Variants in ARSB observed in about 807,000 individuals in gnomAD.
ARSB encodes N-acetylgalactosamine-4-sulfatase.
ARSB carries 41 observed loss-of-function variants against 50.9 expected under a neutral mutation model. The ratio of observed to expected loss-of-function variants is 0.81; its 90% CI spans 0.63 to 1.04. The LOEUF (loss-of-function observed/expected upper bound fraction) is 1.04, where lower values mean the gene tolerates loss of function less well. ARSB is among the 50% of genes least tolerant of loss of function. ARSB has a pLI of 0.00. For missense variants in ARSB, 672 were observed against 693.3 expected (o/e 0.97, Z 0.35); for synonymous variants, 269 against 284.8 (o/e 0.94, Z 0.56).
At position 78,941,626 on chromosome 5, in the gene ARSB, T is replaced by A. The variant is rs1750928705; in HGVS notation, c.898+13669A>T. On this transcript the variant is annotated intron_variant, in intron 4 of 7. Transcript: ENST00000264914. ...TTGAACCAGCCTTGCATCCCAGGGA[T>A]GAAGCCCACTTGATCATGGTGGATA... is the stretch of plus-strand genomic sequence containing the variant. Among the ~76,000 whole-genome samples the A allele has an allele frequency of 2.0e-5, 3 of 152,354 alleles. 1 individual carries two copies. In the South Asian group the frequency reaches 6.2e-4, roughly 32 times the overall value.
At chr5:78,883,827 TTG>T (rs1355178643) in intron 5 of ARSB, 3 of 152,218 alleles carry the variant, frequency 2.0e-5, no homozygotes, top group Admixed American at 6.5e-5. Flanking sequence ...ATGTTTAAAC[TTG>T]AATAGCTATC....
rs569801576 is a variant in ARSB at position 78,841,156 on chromosome 5, C to A, written c.1143-1730G>T. Among the ~76,000 whole-genome samples, 150 of 102,906 alleles carry A rather than the reference C, an allele frequency of 1.5e-3. 1 individual carries two copies. Among genetic ancestry groups the A allele is most frequent in the African/African-American group, 4.9e-3 (139 of 28,332 alleles). The allele number at this position is 102,906 out of a possible 152,430, so 67.5% of individuals were successfully genotyped here. ...TGTACTACTACTACTACTACTACTA[C>A]TACTACTACTACTAATAATAATAAT... On this transcript the variant is annotated intron_variant, in intron 5 of 7. Coordinates refer to ENST00000264914, the MANE Select transcript of ARSB (RefSeq NM_000046.5).
At chr5:78,804,512 A>C (rs1268257843) in intron 6 of ARSB, among the ~76,000 whole-genome samples, 2 of 152,240 alleles carry the variant, frequency 1.3e-5, no homozygotes. Flanking sequence ...TAACTTATCA[A>C]GCAGGGTGAA....
intron 4 of ARSB, among the ~76,000 whole-genome samples, chr5:78,906,031 C>A (rs1291318370): frequency 6.6e-6 from 1 of 151,422 alleles, no homozygotes; most frequent in Non-Finnish European, 1.5e-5. Flanking sequence ...AACACCAATG[C>A]AGATCTTCAA....
chr5:78,870,989 A>G (rs1012354971), intron 5 of ARSB, among the ~76,000 whole-genome samples: 2 of 151,722 alleles, frequency 1.3e-5, no homozygotes, highest in Non-Finnish European at 2.9e-5. Context: ...AAATCAATAT[A>G]CAAAAATCAC....
At chr5:78,852,922 A>T (rs1745906515) in intron 5 of ARSB, among the ~76,000 whole-genome samples, 1 of 152,284 alleles carries the variant, frequency 6.6e-6, no homozygotes, top group South Asian at 2.1e-4. Flanking sequence ...TCCTTTAAGC[A>T]CTTCTCTGTA....
intron 4 of ARSB, among the ~76,000 whole-genome samples, chr5:78,933,603 T>C (rs1309432044): frequency 6.6e-6 from 1 of 152,172 alleles, no homozygotes; most frequent in Non-Finnish European, 1.5e-5. Context: ...ACACAAGTAT[T>C]AGGACGAGCA....
chr5:78,947,820 T>C (rs922327451), intron 4 of ARSB, among the ~76,000 whole-genome samples: 1 of 152,126 alleles, frequency 6.6e-6, no homozygotes, highest in Non-Finnish European at 1.5e-5. Context: ...ATATCAAACA[T>C]ACACTTGCAC....
chr5:78,978,714 T>A (rs1752773749), intron 1 of ARSB, among the ~76,000 whole-genome samples: 1 of 152,174 alleles, frequency 6.6e-6, no homozygotes. Flanking sequence ...GTCAATTGAG[T>A]CTTGACAAGG....
At chr5:78,869,227 C>T (rs1296533717) in intron 5 of ARSB, among the ~76,000 whole-genome samples, 8 of 100,622 alleles carry the variant, frequency 8.0e-5, no homozygotes, top group African/African-American at 3.2e-4. Context: ...GACTTCAATA[C>T]CCCACTGTCA....
intron 5 of ARSB, chr5:78,883,804 A>T (rs1027616491): frequency 6.6e-6 from 1 of 152,190 alleles, no homozygotes; most frequent in Non-Finnish European, 1.5e-5. Context: ...AACTCACAGG[A>T]CTTTAAACTT....
At chr5:78,809,030 T>A (rs965775631) in intron 6 of ARSB, among the ~76,000 whole-genome samples, 3 of 152,192 alleles carry the variant, frequency 2.0e-5, no homozygotes, top group Admixed American at 6.5e-5. Context: ...CAGACATGTA[T>A]AAATGACAAA....
chr5:78,800,951 G>A (rs887734344), intron 6 of ARSB, among the ~76,000 whole-genome samples: 3 of 152,160 alleles, frequency 2.0e-5, no homozygotes, highest in Non-Finnish European at 4.4e-5. Flanking sequence ...GAGTGTGGAA[G>A]AGTACAAGGT....
At chr5:78,860,665 T>C (rs1746390488) in intron 5 of ARSB, among the ~76,000 whole-genome samples, 1 of 152,100 alleles carries the variant, frequency 6.6e-6, no homozygotes, top group African/African-American at 2.4e-5. Context: ...GCAGGAAAGA[T>C]CTAAAACTTG....
intron 6 of ARSB, among the ~76,000 whole-genome samples, chr5:78,821,261 G>C (rs1369965016): frequency 6.6e-6 from 1 of 152,116 alleles, no homozygotes; most frequent in African/African-American, 2.4e-5. Context: ...TCAGCCTCCT[G>C]AGTAGCTGGG....
intron 5 of ARSB, among the ~76,000 whole-genome samples, chr5:78,851,926 C>T (rs1219351082): frequency 6.6e-6 from 1 of 152,142 alleles, no homozygotes; most frequent in Admixed American, 6.5e-5. Context: ...GATCTTCCTC[C>T]ATCCTTTTAT....
chr5:78,936,405 C>G (rs188552880), intron 4 of ARSB, among the ~76,000 whole-genome samples: 2 of 150,146 alleles, frequency 1.3e-5, no homozygotes, highest in Admixed American at 1.3e-4. Context: ...ATTACAGGTG[C>G]GAGCCACTGT....
intron 4 of ARSB, among the ~76,000 whole-genome samples, chr5:78,935,879 A>C (rs1399026317): frequency 6.6e-6 from 1 of 151,870 alleles, no homozygotes; most frequent in African/African-American, 2.4e-5. Flanking sequence ...TATTTACAAA[A>C]GTCCCAACGT....
intron 5 of ARSB, chr5:78,884,717 T>A (rs1239821335): frequency 1.3e-5 from 2 of 151,126 alleles, no homozygotes; most frequent in Non-Finnish European, 2.9e-5. Flanking sequence ...TACTAATATA[T>A]TATGTGTCTT....
Sources: allele counts gnomAD v4.1 joint callset (sites outside exome capture counted in the v4.1 genomes callset), GRCh38; gene constraint gnomAD v4.1.1; transcripts MANE v1.5; gene names NCBI Gene and HGNC (gene_info 2026-07-23, HGNC 2026-07-21).